TRIM32: variants seen among roughly 807,000 people sequenced by gnomAD.
TRIM32 encodes E3 ubiquitin-protein ligase TRIM32.
TRIM32 carries 19 observed loss-of-function variants against 36.0 expected under a neutral mutation model. That is an observed-to-expected ratio of 0.53 (90% CI 0.37 to 0.77). The LOEUF (loss-of-function observed/expected upper bound fraction) is 0.77. Among genes scored for constraint, TRIM32 ranks in the 30% least tolerant of loss-of-function variants. TRIM32 has a pLI of 0.00. For missense variants in TRIM32, 747 were observed against 845.2 expected (o/e 0.88, Z 1.44); for synonymous variants, 309 against 318.5 (o/e 0.97, Z 0.32).
chr9:116,690,740 C>G (rs577667095), intron 1 of TRIM32, among the ~76,000 whole-genome samples: 2 of 152,248 alleles, frequency 1.3e-5, no homozygotes, highest in South Asian at 4.2e-4. Flanking sequence ...AGACCTTGGA[C>G]AGGCTACTTT....
chr9:116,698,132 T>A lies in TRIM32; in HGVS notation c.390T>A (p.Pro130=). ...CEPCREADHQ[P]PGHCTLPVKE... ...CCTGCCGGGAGGCAGACCATCAGCC[T>A]CCTGGCCACTGTACACTCCCTGTCA... The change falls in exon 2 of 2, where the codon CCT becomes CCA. Residue 130 remains proline, a synonymous_variant. Coordinates refer to ENST00000450136, the MANE Select transcript of TRIM32 (RefSeq NM_012210.4). This position sits in a 1 kb window ranked among gnomAD's most constrained non-coding sequence, Gnocchi z 4.4. 1 of 1,614,134 alleles carries A rather than the reference T, an allele frequency of 6.2e-7. No homozygotes were observed. Among genetic ancestry groups the A allele is most frequent in the Admixed American group, 1.7e-5 (1 of 60,028 alleles).
intron 1 of TRIM32, among the ~76,000 whole-genome samples, chr9:116,687,916 G>A (rs1373976245): frequency 6.6e-6 from 1 of 151,964 alleles, no homozygotes; most frequent in African/African-American, 2.4e-5. Flanking sequence ...GTGAGATTGA[G>A]GGGGTGGGGT....
chr9:116,696,625 A>G (rs1373206472), intron 1 of TRIM32, among the ~76,000 whole-genome samples: 1 of 151,888 alleles, frequency 6.6e-6, no homozygotes, highest in Admixed American at 6.6e-5. Flanking sequence ...TGACTCCTCA[A>G]CCCCCATCAA....
chr9:116,688,537 G>A (rs1444845966), intron 1 of TRIM32, among the ~76,000 whole-genome samples: 1 of 152,118 alleles, frequency 6.6e-6, no homozygotes, highest in Non-Finnish European at 1.5e-5. Flanking sequence ...AAGGAGTGTG[G>A]TAATCCCTGT....
rs151116227 is a variant in TRIM32 at position 116,699,142 on chromosome 9, G to C, written c.1400G>C (p.Ser467Thr). The change falls in exon 2 of 2, where the codon AGC becomes ACC. Residue 467 changes from serine (S) to threonine (T), a missense_variant. Transcript: ENST00000450136. This position sits in a 1 kb window ranked among gnomAD's most constrained non-coding sequence, Gnocchi z 4.2. The part of the protein sequence containing the change: ...LDGHCVACHR[S>T]QLSKPWGITA... ...GGCCACTGCGTGGCCTGTCACAGGA[G>C]CCAGCTGAGCAAACCATGGGGTATC... The C allele has an allele frequency of 9.3e-6, 15 of 1,614,230 alleles. No individual in the cohort carries two copies. In the African/African-American group the frequency reaches 9.3e-5, roughly 10 times the overall value.
At chr9:116,695,797 AGTATAT>A (rs1375693629) in intron 1 of TRIM32, among the ~76,000 whole-genome samples, 1 of 152,216 alleles carries the variant, frequency 6.6e-6, no homozygotes, top group Non-Finnish European at 1.5e-5. Context: ...CAACTTCATA[AGTATAT>A]GTATATCAAG....
chr9:116,688,046 C>T (rs985779322), intron 1 of TRIM32, among the ~76,000 whole-genome samples: 1 of 151,652 alleles, frequency 6.6e-6, no homozygotes, highest in South Asian at 2.1e-4. Context: ...GCACAGTGCC[C>T]GATGGAATGC....
intron 1 of TRIM32, among the ~76,000 whole-genome samples, chr9:116,689,824 A>T (rs1404323782): frequency 6.6e-6 from 1 of 152,160 alleles, no homozygotes; most frequent in Non-Finnish European, 1.5e-5. Context: ...TGAGGTTATC[A>T]GGCAGGATGA....
At chr9:116,689,327 A>G (rs1191793598) in intron 1 of TRIM32, among the ~76,000 whole-genome samples, 1 of 152,192 alleles carries the variant, frequency 6.6e-6, no homozygotes. Context: ...TGATAACAAG[A>G]CCAATGTCAC....
intron 1 of TRIM32, among the ~76,000 whole-genome samples, chr9:116,695,137 T>C (rs916079677): frequency 3.3e-5 from 5 of 152,128 alleles, no homozygotes; most frequent in African/African-American, 1.2e-4. Flanking sequence ...CTTGAAATAA[T>C]GTTGGGTTAA....
chr9:116,697,486 G>C, intron 1 of TRIM32, 176 bp from the exon 2 acceptor site: 2 of 492,832 alleles, frequency 4.1e-6, no homozygotes, highest in Non-Finnish European at 7.4e-6. Context: ...GCAGTGTTTT[G>C]TCTGGTTTGT....
intron 1 of TRIM32, among the ~76,000 whole-genome samples, chr9:116,688,415 C>T (rs1159071391): frequency 6.6e-6 from 1 of 152,018 alleles, no homozygotes; most frequent in Non-Finnish European, 1.5e-5. Flanking sequence ...AGAGGGAGTT[C>T]AGGGGACCCA....
At chr9:116,689,885 A>C (rs1037293463) in intron 1 of TRIM32, among the ~76,000 whole-genome samples, 2 of 152,140 alleles carry the variant, frequency 1.3e-5, no homozygotes. Flanking sequence ...TTGAAAAAAC[A>C]CCTCATAGCA....
rs1860936998 is a variant in TRIM32, at chr9:116,697,722, A to G, written c.-21A>G. On this transcript the variant is annotated 5_prime_UTR_variant, in exon 2 of 2. Transcript: ENST00000450136. ...TGTTCAGTTCTGAGCTGTGCTAGCA[A>G]TACCCTTCAAAGGAAGAGCAATGGC... 2 of 1,613,476 alleles carry G rather than the reference A, an allele frequency of 1.2e-6. No individual in the cohort carries two copies. The highest frequency in any genetic ancestry group is 1.7e-6 in the Non-Finnish European group (2 of 1,180,014).
Position 116,698,209 on chromosome 9 carries a change from T to C in TRIM32, c.467T>C (p.Leu156Pro), listed in dbSNP as rs145907585. The change falls in exon 2 of 2, where the codon CTG (leucine) becomes CCG (proline). Residue 156 changes from leucine (L) to proline (P), a missense_variant. Coordinates refer to ENST00000450136, the MANE Select transcript of TRIM32 (RefSeq NM_012210.4). The surrounding 1 kb of genome is among the most constrained non-coding windows in gnomAD (Gnocchi z 4.4). ...RRDFGEKLTR[L>P]RELMGELQRR... The stretch of plus-strand genomic sequence containing the variant: ...GACTTTGGAGAGAAGTTAACTCGTC[T>C]GCGGGAACTTATGGGGGAGCTGCAG... 7.6e-5 allele frequency: 123 copies of C among 1,614,038 alleles called. No individual in the cohort carries two copies. The highest frequency in any genetic ancestry group is 9.8e-5 in the Non-Finnish European group (116 of 1,180,048).
chr9:116,695,524 G>A (rs1211225470), intron 1 of TRIM32, among the ~76,000 whole-genome samples: 4 of 152,318 alleles, frequency 2.6e-5, no homozygotes, highest in Middle Eastern at 3.4e-3. Context: ...TCTATGCCTG[G>A]AGAAAGAGTT....
intron 1 of TRIM32, chr9:116,697,231 T>C (rs1479594275): frequency 1.2e-5 from 2 of 161,388 alleles, no homozygotes; most frequent in Admixed American, 5.7e-5. Flanking sequence ...TCACCAAATA[T>C]GAAAATAATC....
In TRIM32 at chr9:116,697,766, C is replaced by T. The variant is rs774511117; in HGVS notation, c.24C>T (p.His8=). The T allele has an allele frequency of 6.2e-7, 1 of 1,614,002 alleles. No individual in the cohort carries two copies. The highest frequency in any genetic ancestry group is 8.5e-7 in the Non-Finnish European group (1 of 1,180,038). Reference sequence around the variant, plus strand: ...CAATGGCTGCAGCAGCAGCTTCTCACCTGAACCTGGATGCCCTCCGGGAAG... The same window carrying T: ...CAATGGCTGCAGCAGCAGCTTCTCATCTGAACCTGGATGCCCTCCGGGAAG... The part of the protein sequence containing the change: MAAAAAS[H]LNLDALREVL... Residue 8 remains histidine, a synonymous_variant, in exon 2 of 2, where the codon CAC becomes CAT. Transcript: ENST00000450136.
Position 116,699,531 on chromosome 9 carries a change from A to C in TRIM32, c.1789A>C (p.Lys597Gln). 6.2e-7 allele frequency: 1 copy of C among 1,614,170 alleles called. No homozygotes were observed. Among genetic ancestry groups the C allele is most frequent in the Non-Finnish European group, 8.5e-7 (1 of 1,180,028 alleles). The change falls in exon 2 of 2, where the codon AAG (lysine) becomes CAG (glutamine). Residue 597 changes from lysine (K) to glutamine (Q), a missense_variant. By Grantham distance (53) the Lys-to-Gln change is moderately conservative. Coordinates refer to ENST00000450136, the MANE Select transcript of TRIM32 (RefSeq NM_012210.4). The surrounding 1 kb of genome is among the most constrained non-coding windows in gnomAD (Gnocchi z 4.2). ...GDLIVADSSR[K>Q]EILHFPKGGG... ...TCTCATCGTGGCTGACAGTAGTCGC[A>C]AGGAAATTCTCCATTTTCCTAAGGG...
Sources: gnomAD v4.1 joint callset for allele counts (sites outside exome capture counted in the v4.1 genomes callset) on GRCh38, gnomAD v4.1.1 for gene constraint, Gnocchi (gnomAD v3.1) non-coding constraint, MANE v1.5 for transcripts, NCBI Gene and HGNC (gene_info 2026-07-23, HGNC 2026-07-21) for gene names.